NTSR2: variants seen among roughly 807,000 people sequenced by gnomAD.
NTSR2 encodes neurotensin receptor type 2.
A neutral mutation model predicts 24.1 loss-of-function variants in NTSR2; 22 were observed. The observed-to-expected ratio is 0.91, with a 90% confidence interval of 0.65 to 1.30. The LOEUF (loss-of-function observed/expected upper bound fraction) is 1.30. Ranked by LOEUF, NTSR2 falls within the 50% of genes most tolerant of loss-of-function variation. The probability of loss-of-function intolerance (pLI) is 0.00; values close to 1 mark genes in which losing one functional copy is unlikely to be tolerated. For synonymous variants in NTSR2, 291 were observed against 267.0 expected (o/e 1.09, Z -0.88); for missense variants, 570 against 570.4 (o/e 1.00, Z 0.01).
chr2:11,658,271 C>A lies in NTSR2; in HGVS notation c.*208G>T. The A allele has an allele frequency of 1.8e-6, 1 of 549,170 alleles. No homozygotes were observed. Among genetic ancestry groups the A allele is most frequent in the South Asian group, 3.4e-5 (1 of 29,168 alleles). The allele number at this position is 549,170 out of a possible 1,614,324, so 34.0% of individuals were successfully genotyped here. A position where few individuals can be genotyped will look rare whatever the true frequency, so the allele number is the denominator to read the frequency against. ...GCAACACTAAGAGATGGGTGCTGTT[C>A]TTTATCTCCACTACACAGACGAGGG... On this transcript the variant is annotated 3_prime_UTR_variant, in exon 4 of 4. Coordinates refer to ENST00000306928, the MANE Select transcript of NTSR2 (RefSeq NM_012344.4).
intron 1 of NTSR2, among the ~76,000 whole-genome samples, chr2:11,668,272 G>A (rs184262317): frequency 4.3e-4 from 66 of 152,340 alleles, no homozygotes; most frequent in African/African-American, 1.5e-3. Flanking sequence ...CCTGCCCAGG[G>A]GATGGATGAG....
chr2:11,669,458 C>CCGGGGGGGGGGGGGGGGGGGGG lies in NTSR2; in HGVS notation c.624+47_624+48insCCCCCCCCCCCCCCCCCCCCCG. The CCGGGGGGGGGGGGGGGGGGGGG allele has an allele frequency of 6.2e-6, 2 of 323,366 alleles. 1 individual carries two copies. The highest frequency in any genetic ancestry group is 1.1e-5 in the Non-Finnish European group (2 of 181,544). 20.0% of individuals were successfully genotyped at this position (323,366 alleles called of 1,614,324 possible). A position where few individuals can be genotyped will look rare whatever the true frequency, so the allele number is the denominator to read the frequency against. On this transcript the variant is annotated intron_variant, in intron 1 of 3. Coordinates refer to ENST00000306928, the MANE Select transcript of NTSR2 (RefSeq NM_012344.4). The stretch of plus-strand genomic sequence containing the variant: ...GAGAGGGGGTTCCCTCCTCCCAGCA[C>CCGGGGGGGGGGGGGGGGGGGGG]CGCCCCCCCACCCCCCCTCCCCCGA...
intron 1 of NTSR2, among the ~76,000 whole-genome samples, chr2:11,662,548 G>A (rs191325602): frequency 1.5e-4 from 23 of 152,340 alleles, no homozygotes; most frequent in Middle Eastern, 6.8e-3. Context: ...TTGGGAGGCC[G>A]AGGCGGGCGG....
At position 11,670,182 on chromosome 2, in the gene NTSR2, G is replaced by C; in HGVS notation, c.-53C>G. 1 of 1,357,996 alleles carries C rather than the reference G, an allele frequency of 7.4e-7. No individual in the cohort carries two copies. Among genetic ancestry groups the C allele is most frequent in the South Asian group, 1.8e-5 (1 of 54,060 alleles). 84.1% of individuals were successfully genotyped at this position (1,357,996 alleles called of 1,614,324 possible). Reference sequence around the variant, plus strand: ...CTCTCACTGCCCGGAGTCTGGGCGAGCTGCCTGGTTAGTGAGCACCTCCTC... The same window carrying C: ...CTCTCACTGCCCGGAGTCTGGGCGACCTGCCTGGTTAGTGAGCACCTCCTC... On this transcript the variant is annotated 5_prime_UTR_variant, in exon 1 of 4. Coordinates refer to ENST00000306928, the MANE Select transcript of NTSR2 (RefSeq NM_012344.4).
chr2:11,658,302 G>A lies in NTSR2; in HGVS notation c.*177C>T. On this transcript the variant is annotated 3_prime_UTR_variant, in exon 4 of 4. Coordinates refer to ENST00000306928, the MANE Select transcript of NTSR2 (RefSeq NM_012344.4). ...CTCCACTACACAGACGAGGGAGCCT[G>A]AGGCTAGGAGGGGTCACGTGGCTTC... The A allele has an allele frequency of 1.4e-6, 1 of 723,722 alleles. No individual in the cohort carries two copies. Among genetic ancestry groups the A allele is most frequent in the Non-Finnish European group, 2.2e-6 (1 of 453,114 alleles). 44.8% of individuals were successfully genotyped at this position (723,722 alleles called of 1,614,324 possible).
chr2:11,664,121 CA>C (rs1442552501), intron 1 of NTSR2, among the ~76,000 whole-genome samples: 1 of 141,214 alleles, frequency 7.1e-6, no homozygotes, highest in Non-Finnish European at 1.5e-5. Context: ...ACATTTTAAA[CA>C]CTGAGCATTT....
chr2:11,669,482 G>T, intron 1 of NTSR2, 24 bp downstream of exon 1: 1 of 99,272 alleles, frequency 1.0e-5, no homozygotes, highest in Non-Finnish European at 1.5e-5. Flanking sequence ...CCCCTCCCCC[G>T]ACTCCCGCTC....
At position 11,670,063 on chromosome 2, in the gene NTSR2, G is replaced by A. The variant is rs1380382221; in HGVS notation, c.67C>T (p.Leu23=). 2.7e-6 allele frequency: 4 copies of A among 1,471,288 alleles called. No individual in the cohort carries two copies. Among genetic ancestry groups the A allele is most frequent in the Non-Finnish European group, 3.6e-6 (4 of 1,118,322 alleles). 91.1% of individuals were successfully genotyped at this position (1,471,288 alleles called of 1,614,324 possible). ...GCCCAGAGGCGAGTGTCCACGCCCA[G>A]CCGGGCGTCCAGGCTCAGCCCCGGG... The part of the protein sequence containing the change: ...SNPGLSLDAR[L]GVDTRLWAKV... The change falls in exon 1 of 4, where the codon CTG becomes TTG. Residue 23 remains leucine, a synonymous_variant. Coordinates refer to ENST00000306928, the MANE Select transcript of NTSR2 (RefSeq NM_012344.4).
Position 11,658,777 on chromosome 2 carries a change from C to G in NTSR2, c.990-55G>C, listed in dbSNP as rs1660997421. 3 of 1,588,378 alleles carry G rather than the reference C, an allele frequency of 1.9e-6. No individual in the cohort carries two copies. In the East Asian group the frequency reaches 6.7e-5, roughly 36 times the overall value. ...AGGACCTGTCACCTCCTCACAGTGT[C>G]CACTTCCTACTGGAGAATGCCTCTC... On this transcript the variant is annotated intron_variant, in intron 3 of 3. Coordinates refer to ENST00000306928, the MANE Select transcript of NTSR2 (RefSeq NM_012344.4).
chr2:11,660,949 T>A (rs1661059215), intron 2 of NTSR2, among the ~76,000 whole-genome samples: 1 of 152,162 alleles, frequency 6.6e-6, no homozygotes, highest in South Asian at 2.1e-4. Context: ...CTGCTCTCAC[T>A]GCTACCTCCC....
chr2:11,668,786 T>C (rs752781324), intron 1 of NTSR2, among the ~76,000 whole-genome samples: 14 of 152,182 alleles, frequency 9.2e-5, no homozygotes, highest in Non-Finnish European at 1.8e-4. Flanking sequence ...TTTCAGAAAA[T>C]GCATTGTGAA....
In NTSR2 at chr2:11,658,631, C is replaced by T. The variant is rs369667788; in HGVS notation, c.1081G>A (p.Val361Met). The T allele has an allele frequency of 2.3e-5, 37 of 1,614,062 alleles. No individual in the cohort carries two copies. Among genetic ancestry groups the T allele is most frequent in the Admixed American group, 5.0e-5 (3 of 60,016 alleles). ...AAGAGTTTTCTGAAGGAGGAGGACACGGCGTTGTAGAGAAGAGGAGTCACA... is the reference window on the plus strand; with the variant it reads ...AAGAGTTTTCTGAAGGAGGAGGACATGGCGTTGTAGAGAAGAGGAGTCACA... The part of the protein sequence containing the change: ...SAVTPLLYNA[V>M]SSSFRKLFLE... Residue 361 changes from valine (V) to methionine (M), a missense_variant, in exon 4 of 4, where the codon GTG becomes ATG. Coordinates refer to ENST00000306928, the MANE Select transcript of NTSR2 (RefSeq NM_012344.4).
At chr2:11,665,209 G>T (rs528491859) in intron 1 of NTSR2, among the ~76,000 whole-genome samples, 1 of 152,144 alleles carries the variant, frequency 6.6e-6, no homozygotes, top group Non-Finnish European at 1.5e-5. Flanking sequence ...AGGCCTCGGC[G>T]GAGAACTGCG....
intron 1 of NTSR2, among the ~76,000 whole-genome samples, chr2:11,667,060 G>A (rs1661217001): frequency 6.6e-6 from 1 of 152,236 alleles, no homozygotes; most frequent in Non-Finnish European, 1.5e-5. Flanking sequence ...TTCTTGTCCT[G>A]TGGACAGACC....
rs547323437 is a variant in NTSR2 at position 11,670,141 on chromosome 2, G to T, written c.-12C>A. On this transcript the variant is annotated 5_prime_UTR_variant, in exon 1 of 4. Transcript: ENST00000306928. ...CTGCTGGTTTCCATCCCGCTCCCGC[G>T]GCCGGCGCTCCCTCCCTCTCACTGC... 6.7e-5 allele frequency: 92 copies of T among 1,365,454 alleles called. No homozygotes were observed. The African/African-American group carries it at 1.1e-3, about 17-fold the overall frequency. The allele number at this position is 1,365,454 out of a possible 1,614,324, so 84.6% of individuals were successfully genotyped here. A position where few individuals can be genotyped will look rare whatever the true frequency, so the allele number is the denominator to read the frequency against.
At chr2:11,669,460 G>GGGGGGGGGGGGGGGGGGGGGCCCC in intron 1 of NTSR2, 46 bp downstream of exon 1, 1 of 254,726 alleles carries the variant, frequency 3.9e-6, no homozygotes, top group East Asian at 5.5e-5. Flanking sequence ...TCCCAGCACC[G>GGGGGGGGGGGGGGGGGGGGGCCCC]CCCCCCCACC....
intron 3 of NTSR2, among the ~76,000 whole-genome samples, chr2:11,658,958 A>G (rs975018089): frequency 3.9e-5 from 6 of 152,142 alleles, no homozygotes; most frequent in Non-Finnish European, 8.8e-5. Flanking sequence ...AGCTCAAGCA[A>G]TTCTCCTGCC....
At chr2:11,663,956 G>A (rs935175680) in intron 1 of NTSR2, among the ~76,000 whole-genome samples, 2 of 152,060 alleles carry the variant, frequency 1.3e-5, no homozygotes, top group Non-Finnish European at 2.9e-5. Flanking sequence ...CACACACCTT[G>A]GGTTATCATC....
In NTSR2 at chr2:11,661,849, G is replaced by A. The variant is rs912620495; in HGVS notation, c.898+118C>T. 8 of 916,498 alleles carry A rather than the reference G, an allele frequency of 8.7e-6. No homozygotes were observed. The African/African-American group carries it at 1.3e-4, about 15-fold the overall frequency. 56.8% of individuals were successfully genotyped at this position (916,498 alleles called of 1,614,324 possible). On this transcript the variant is annotated intron_variant, in intron 2 of 3. Coordinates refer to ENST00000306928, the MANE Select transcript of NTSR2 (RefSeq NM_012344.4). ...GTTATACAGTTCCCCTGGGGCATAGGGTAAAGGAAGCCTTGAGAGAGGTAG... is the reference window on the plus strand; with the variant it reads ...GTTATACAGTTCCCCTGGGGCATAGAGTAAAGGAAGCCTTGAGAGAGGTAG...
Sources: allele counts gnomAD v4.1 joint callset (sites outside exome capture counted in the v4.1 genomes callset), GRCh38; gene constraint gnomAD v4.1.1; transcripts MANE v1.5; gene names NCBI Gene and HGNC (gene_info 2026-07-23, HGNC 2026-07-21).